Variants in CREBBP observed in about 807,000 individuals in gnomAD.
The protein encoded by CREBBP is CREB-binding protein.
In CREBBP, 19 loss-of-function variants were observed where a neutral mutation model predicts 265.0. That is an observed-to-expected ratio of 0.07 (90% confidence interval 0.05 to 0.11). The LOEUF is 0.11. CREBBP is among the 10% of genes least tolerant of loss of function. CREBBP has a pLI of 1.00. For synonymous variants in CREBBP, 1,457 were observed against 1,223.7 expected (o/e 1.19, Z -3.98); for missense variants, 2,525 against 3,219.0 (o/e 0.78, Z 5.22).
chr16:3,750,810 A>T (rs1309908868), intron 20 of CREBBP, among the ~76,000 whole-genome samples: 1 of 152,232 alleles, frequency 6.6e-6, no homozygotes, highest in Non-Finnish European at 1.5e-5. Context: ...TCTGGATTAG[A>T]CTTCAGTAAC....
rs1171761141 is a variant in CREBBP at position 3,736,386 on chromosome 16, C to A, written c.4561-183G>T. Reference sequence around the variant, plus strand: ...TGCACCCCCCACCACAGTGCTGGAGCCCCTATGTGTGCAACAGTGATGCAC... The same window carrying A: ...TGCACCCCCCACCACAGTGCTGGAGACCCTATGTGTGCAACAGTGATGCAC... On this transcript the variant is annotated intron_variant, in intron 27 of 30. Transcript: ENST00000262367. 1.2e-5 allele frequency: 9 copies of A among 760,952 alleles called. No homozygotes were observed. The East Asian group carries it at 2.4e-4, about 20-fold the overall frequency. 47.1% of individuals were successfully genotyped at this position (760,952 alleles called of 1,614,324 possible).
intron 1 of CREBBP, among the ~76,000 whole-genome samples, chr16:3,874,985 A>G (rs1387420250): frequency 6.6e-6 from 1 of 152,226 alleles, no homozygotes; most frequent in Non-Finnish European, 1.5e-5. Context: ...TCATTTTCCT[A>G]ACTGTTTTCA....
At chr16:3,743,803 G>C (rs1159921521) in intron 23 of CREBBP, 1 of 152,216 alleles carries the variant, frequency 6.6e-6, no homozygotes, top group Non-Finnish European at 1.5e-5. Context: ...AGTCAGCCGG[G>C]CGCGGTGGCT....
At chr16:3,842,626 G>C (rs1034370620) in intron 2 of CREBBP, among the ~76,000 whole-genome samples, 1 of 151,968 alleles carries the variant, frequency 6.6e-6, no homozygotes, top group Admixed American at 6.6e-5. Flanking sequence ...TGTCAACAAG[G>C]GTCATGTTTT....
intron 5 of CREBBP, among the ~76,000 whole-genome samples, chr16:3,791,517 AGACT>A (rs2141279315): frequency 6.6e-6 from 1 of 152,346 alleles, no homozygotes. Context: ...ATACTGACCC[AGACT>A]GACTGACAGA....
At chr16:3,743,559 T>C (rs1460468260) in intron 23 of CREBBP, 1 of 152,112 alleles carries the variant, frequency 6.6e-6, no homozygotes, top group Non-Finnish European at 1.5e-5. Context: ...CTGAGCAACA[T>C]GCTAGTCACC....
chr16:3,771,714 GAC>G (rs1158474143), intron 13 of CREBBP, among the ~76,000 whole-genome samples: 1 of 151,640 alleles, frequency 6.6e-6, no homozygotes. Context: ...GGAAATGCTG[GAC>G]AAATAAATGA....
At chr16:3,846,598 C>T (rs1294076507) in intron 2 of CREBBP, among the ~76,000 whole-genome samples, 7 of 152,104 alleles carry the variant, frequency 4.6e-5, no homozygotes, top group African/African-American at 1.4e-4. Flanking sequence ...TACGATATAC[C>T]CAAATCAGGA....
At chr16:3,798,396 G>A (rs2053648736) in intron 3 of CREBBP, among the ~76,000 whole-genome samples, 2 of 152,192 alleles carry the variant, frequency 1.3e-5, no homozygotes, top group South Asian at 2.1e-4. Flanking sequence ...AGTGGAAAGT[G>A]AAAGAGAAAA....
chr16:3,781,839 G>T (rs958671286), intron 6 of CREBBP, among the ~76,000 whole-genome samples: 3 of 152,232 alleles, frequency 2.0e-5, no homozygotes, highest in African/African-American at 7.2e-5. Flanking sequence ...AGAGGAGTTA[G>T]ATTAACACTT....
chr16:3,767,596 C>T, intron 16 of CREBBP, 124 bp downstream of exon 16: 2 of 1,315,166 alleles, frequency 1.5e-6, no homozygotes, highest in Non-Finnish European at 2.1e-6. Context: ...TGGGGAATGG[C>T]AGGCAAGAAA....
chr16:3,806,479 G>A (rs1056676047), intron 3 of CREBBP, among the ~76,000 whole-genome samples: 3 of 150,928 alleles, frequency 2.0e-5, no homozygotes, highest in Admixed American at 1.3e-4. Context: ...TCACACCTAC[G>A]AACTCCACAT....
At chr16:3,738,450 G>A (rs2052124476) in intron 26 of CREBBP, 109 bp downstream of exon 26, 1 of 756,886 alleles carries the variant, frequency 1.3e-6, no homozygotes, top group Non-Finnish European at 2.3e-6. Flanking sequence ...ATCTTAGGAT[G>A]GAAAAATAAA....
intron 3 of CREBBP, among the ~76,000 whole-genome samples, chr16:3,803,260 C>CGGGGGGGGGGGGGGGG (rs1192484779): frequency 1.2e-4 from 1 of 8,454 alleles, no homozygotes; most frequent in Admixed American, 1.3e-3. Flanking sequence ...AGGCTGACGG[C>CGGGGGGGGGGGGGGGG]GGGGAGGGGG....
intron 2 of CREBBP, among the ~76,000 whole-genome samples, chr16:3,837,487 G>A (rs867839097): frequency 3.3e-5 from 5 of 151,832 alleles, no homozygotes; most frequent in African/African-American, 1.2e-4. Context: ...GTGGCGGCAT[G>A]CACCTGTAGT....
rs144512126 is a variant in CREBBP, at chr16:3,730,424, A to T, written c.5173-550T>A. ...AGGCCTGAGCTATCCGCAGTGCACC[A>T]GTGGGACTTCCCCAACGCGCAAGCC... On this transcript the variant is annotated intron_variant, in intron 30 of 30. Coordinates refer to ENST00000262367, the MANE Select transcript of CREBBP (RefSeq NM_004380.3). The T allele has an allele frequency of 1.2e-3, 191 of 163,070 alleles. 3 individuals carry two copies. The East Asian group carries it at 0.031, about 26-fold the overall frequency. 10.1% of individuals were successfully genotyped at this position (163,070 alleles called of 1,614,324 possible).
intron 2 of CREBBP, among the ~76,000 whole-genome samples, chr16:3,846,501 T>C (rs1488898420): frequency 1.3e-5 from 2 of 152,242 alleles, no homozygotes; most frequent in Non-Finnish European, 2.9e-5. Context: ...AAGATATATG[T>C]ACAATGTGTT....
chr16:3,762,341 T>C (rs939186440), intron 16 of CREBBP, among the ~76,000 whole-genome samples: 1 of 150,002 alleles, frequency 6.7e-6, no homozygotes, highest in Non-Finnish European at 1.5e-5. Flanking sequence ...AATTCCGTGC[T>C]GAGGAGAGCA....
intron 21 of CREBBP, among the ~76,000 whole-genome samples, chr16:3,747,457 G>A (rs2052368336): frequency 6.6e-6 from 1 of 152,146 alleles, no homozygotes; most frequent in African/African-American, 2.4e-5. Context: ...ATCTTGTCCA[G>A]GAAACCAGGC....
Sources: allele counts gnomAD v4.1 joint callset (sites outside exome capture counted in the v4.1 genomes callset), GRCh38; gene constraint gnomAD v4.1.1; transcripts MANE v1.5; gene names NCBI Gene and HGNC (gene_info 2026-07-23, HGNC 2026-07-21).